Variants in FHIT observed in about 807,000 individuals in gnomAD.
The protein encoded by FHIT is fragile histidine triad diadenosine triphosphatase.
A neutral mutation model predicts 17.9 loss-of-function variants in FHIT; 19 were observed. The observed-to-expected ratio is 1.06, with a 90% confidence interval of 0.74 to 1.56. FHIT has a LOEUF of 1.56. FHIT is among the 40% of genes most tolerant of loss of function. The probability of loss-of-function intolerance (pLI) is 0.00; values close to 1 mark genes in which losing one functional copy is unlikely to be tolerated. For synonymous variants in FHIT, 81 were observed against 69.7 expected, an observed-to-expected ratio of 1.16 and a Z score of -0.81; for missense variants, 248 against 189.2, an observed-to-expected ratio of 1.31 and a Z score of -1.82.
intron 4 of FHIT, among the ~76,000 whole-genome samples, chr3:60,544,698 G>A (rs2036304847): frequency 6.7e-6 from 1 of 148,162 alleles, no homozygotes; most frequent in African/African-American, 2.5e-5. Flanking sequence ...CCCGGTTCAA[G>A]CGATTCTCCT....
At chr3:60,888,425 T>C (rs1278856982) in intron 3 of FHIT, among the ~76,000 whole-genome samples, 1 of 152,156 alleles carries the variant, frequency 6.6e-6, no homozygotes, top group Admixed American at 6.5e-5. Flanking sequence ...TCAAATTTCT[T>C]CTGGGGTCAG....
chr3:60,712,031 G>A (rs1226867964), intron 4 of FHIT, among the ~76,000 whole-genome samples: 12 of 152,148 alleles, frequency 7.9e-5, no homozygotes, highest in Admixed American at 3.9e-4. Flanking sequence ...CAGAAAGGTC[G>A]GGTTACCCAC....
chr3:61,131,686 C>T (rs1397872436), intron 2 of FHIT, among the ~76,000 whole-genome samples: 1 of 152,244 alleles, frequency 6.6e-6, no homozygotes, highest in Non-Finnish European at 1.5e-5. Context: ...TGAGCCCAGT[C>T]TGCTGTGCAC....
At chr3:60,906,116 G>A (rs1706400548) in intron 3 of FHIT, among the ~76,000 whole-genome samples, 1 of 152,152 alleles carries the variant, frequency 6.6e-6, no homozygotes, top group Non-Finnish European at 1.5e-5. Context: ...AATAATTTCT[G>A]AAGACAGTAT....
At chr3:60,764,827 G>T (rs6786508) in intron 4 of FHIT, among the ~76,000 whole-genome samples, 26,567 of 151,148 alleles carry the variant, frequency 0.18, 3,756 homozygotes, top group African/African-American at 0.39. Context: ...GTCAATATAT[G>T]AATATATATA....
chr3:60,705,314 T>C (rs1368584723), intron 4 of FHIT, among the ~76,000 whole-genome samples: 1 of 152,152 alleles, frequency 6.6e-6, no homozygotes, highest in African/African-American at 2.4e-5. Flanking sequence ...AATAACCTTC[T>C]TTACAGATAA....
At chr3:61,105,081 T>C (rs2035950928) in intron 2 of FHIT, among the ~76,000 whole-genome samples, 1 of 152,184 alleles carries the variant, frequency 6.6e-6, no homozygotes, top group African/African-American at 2.4e-5. Context: ...TTCAGCCATC[T>C]CAACCTGGTT....
intron 5 of FHIT, among the ~76,000 whole-genome samples, chr3:60,229,651 A>G (rs1704395259): frequency 6.6e-6 from 1 of 152,110 alleles, no homozygotes; most frequent in South Asian, 2.1e-4. Context: ...CTGAGAAAAA[A>G]CATTATGTAG....
At chr3:60,905,067 G>A (rs907783727) in intron 3 of FHIT, among the ~76,000 whole-genome samples, 74 of 151,712 alleles carry the variant, frequency 4.9e-4, no homozygotes, top group Non-Finnish European at 1.5e-5. Flanking sequence ...CTTATAATAA[G>A]AGAAAAGCAA....
chr3:60,000,562 C>A (rs374834249), intron 7 of FHIT, among the ~76,000 whole-genome samples: 23 of 152,102 alleles, frequency 1.5e-4, no homozygotes, highest in African/African-American at 5.5e-4. Flanking sequence ...GAGTTCAAAC[C>A]CATCCTAATT....
chr3:59,867,471 TAC>T (rs1326486841), intron 8 of FHIT, among the ~76,000 whole-genome samples: 1 of 152,116 alleles, frequency 6.6e-6, no homozygotes, highest in African/African-American at 2.4e-5. Flanking sequence ...TCATTGTCCA[TAC>T]ACTCAGAAAT....
At chr3:60,962,107 A>T (rs1213817367) in intron 3 of FHIT, among the ~76,000 whole-genome samples, 2 of 152,094 alleles carry the variant, frequency 1.3e-5, no homozygotes, top group East Asian at 3.9e-4. Flanking sequence ...TATTTCATTG[A>T]GCAGTGGTTT....
chr3:60,023,101 T>C (rs1422079552), intron 5 of FHIT, among the ~76,000 whole-genome samples: 3 of 152,180 alleles, frequency 2.0e-5, no homozygotes, highest in Non-Finnish European at 2.9e-5. Flanking sequence ...GAGTTAAGAC[T>C]TGAAGGAGTA....
At chr3:60,453,146 A>T (rs2031858085) in intron 5 of FHIT, among the ~76,000 whole-genome samples, 1 of 152,134 alleles carries the variant, frequency 6.6e-6, no homozygotes, top group African/African-American at 2.4e-5. Context: ...GAATATAATG[A>T]TGCAATTATA....
At chr3:61,242,737 G>A (rs139392842) in intron 1 of FHIT, among the ~76,000 whole-genome samples, 271 of 152,298 alleles carry the variant, frequency 1.8e-3, no homozygotes, top group African/African-American at 6.2e-3. Flanking sequence ...GGGGAGTGCT[G>A]ATCGGTCGAA....
chr3:60,589,934 C>A (rs976735534), intron 4 of FHIT, among the ~76,000 whole-genome samples: 1 of 151,936 alleles, frequency 6.6e-6, no homozygotes, highest in South Asian at 2.1e-4. Context: ...GAATCTGTGG[C>A]CTTGACCCTC....
intron 8 of FHIT, among the ~76,000 whole-genome samples, chr3:59,860,962 T>C (rs533112439): frequency 6.6e-6 from 1 of 152,142 alleles, no homozygotes; most frequent in Admixed American, 6.5e-5. Context: ...TTTTTCCTAC[T>C]ATAGTGGGCT....
At chr3:60,235,533 C>G (rs1445009046) in intron 5 of FHIT, among the ~76,000 whole-genome samples, 2 of 152,054 alleles carry the variant, frequency 1.3e-5, no homozygotes, top group Admixed American at 6.6e-5. Flanking sequence ...CCGGCCATAT[C>G]TATGCTTTTA....
intron 2 of FHIT, among the ~76,000 whole-genome samples, chr3:61,065,117 G>T (rs2034556893): frequency 1.3e-5 from 2 of 152,146 alleles, no homozygotes; most frequent in African/African-American, 4.8e-5. Flanking sequence ...AAAGACACAT[G>T]AAGATTCCTA....
Sources: gnomAD v4.1 joint callset for allele counts (sites outside exome capture counted in the v4.1 genomes callset) on GRCh38, gnomAD v4.1.1 for gene constraint, MANE v1.5 for transcripts, NCBI Gene and HGNC (gene_info 2026-07-23, HGNC 2026-07-21) for gene names.